The following CTNNA2 variants were observed in gnomAD, a reference collection of about 807,000 sequenced individuals.
The protein encoded by CTNNA2 is catenin alpha-2.
In CTNNA2, 42 loss-of-function variants were observed where a neutral mutation model predicts 101.0. The observed-to-expected ratio is 0.42, with a 90% CI of 0.32 to 0.54. CTNNA2 has a LOEUF of 0.54. CTNNA2 is among the 20% of genes least tolerant of loss of function. The probability of loss-of-function intolerance (pLI) is 0.14; values close to 1 mark genes in which losing one functional copy is unlikely to be tolerated. For synonymous variants in CTNNA2, 450 were observed against 456.4 expected, an observed-to-expected ratio of 0.99 and a Z score of 0.18; for missense variants, 871 against 1,223.1, an observed-to-expected ratio of 0.71 and a Z score of 4.29.
chr2:80,628,168 T>C (rs62152015), intron 18 of CTNNA2, among the ~76,000 whole-genome samples: 18,327 of 151,998 alleles, frequency 0.12, 2,037 homozygotes, highest in African/African-American at 0.3. Context: ...GGATCAATAT[T>C]GTGAAAATGG....
intron 1 of CTNNA2, among the ~76,000 whole-genome samples, chr2:79,534,543 C>T (rs78520964): frequency 0.16 from 24,927 of 151,244 alleles, 2,151 homozygotes; most frequent in Middle Eastern, 0.27. Context: ...TTTTTTTTCC[C>T]TGTAAGCCTC....
intron 7 of CTNNA2, among the ~76,000 whole-genome samples, chr2:79,933,905 C>A (rs1308422721): frequency 6.6e-6 from 1 of 152,082 alleles, no homozygotes; most frequent in East Asian, 1.9e-4. Flanking sequence ...GATCACATCT[C>A]CAGATAACAT....
chr2:79,455,549 G>A (rs776152279), intron 4 of CTNNA2, among the ~76,000 whole-genome samples: 8 of 152,052 alleles, frequency 5.3e-5, no homozygotes, highest in African/African-American at 1.9e-4. Flanking sequence ...TCCAGTTTGT[G>A]GGTACTCCAC....
intron 1 of CTNNA2, among the ~76,000 whole-genome samples, chr2:79,528,250 G>A (rs1573252336): frequency 6.6e-6 from 1 of 151,546 alleles, no homozygotes; most frequent in African/African-American, 2.4e-5. Flanking sequence ...GTCTCACTGT[G>A]TTGCCCAGGT....
rs1682228516 is a variant in CTNNA2, at chr2:79,664,090, C to T, written c.102+12432C>T. Among the ~76,000 whole-genome samples, 4 of 152,216 alleles carry T rather than the reference C, an allele frequency of 2.6e-5. 1 individual carries two copies. In the South Asian group the frequency reaches 8.3e-4, roughly 32 times the overall value. ...TATGAATGTTTTAATACTCAGCGAC[C>T]TCACTAAGCAATGAAATGTGTTTTT... On this transcript the variant is annotated intron_variant, in intron 2 of 18. Transcript: ENST00000402739.
intron 7 of CTNNA2, among the ~76,000 whole-genome samples, chr2:80,300,185 G>A (rs1388873211): frequency 1.3e-5 from 2 of 152,004 alleles, no homozygotes; most frequent in Admixed American, 1.3e-4. Context: ...GTCTGAATGG[G>A]TGTCATGTGC....
chr2:80,185,859 G>A (rs1031765637), intron 7 of CTNNA2, among the ~76,000 whole-genome samples: 13 of 152,190 alleles, frequency 8.5e-5, no homozygotes, highest in African/African-American at 2.9e-4. Flanking sequence ...TTATTAGATT[G>A]ACACATGGTT....
At chr2:80,311,644 G>C (rs993915007) in intron 7 of CTNNA2, among the ~76,000 whole-genome samples, 1 of 152,220 alleles carries the variant, frequency 6.6e-6, no homozygotes, top group African/African-American at 2.4e-5. Flanking sequence ...TCTGAAAATG[G>C]ATTAATCCAG....
rs145750433 is a variant in CTNNA2 at position 80,321,928 on chromosome 2, TTTTATTTA to T, written c.1057-71263_1057-71256del. The stretch of plus-strand genomic sequence containing the variant: ...ATAGCCCTTCTGAAGATTCTCTGTA[TTTTATTTA>T]TTTATTTATTTATTTATTTTAAAAA... On this transcript the variant is annotated intron_variant, in intron 7 of 18. Coordinates refer to ENST00000402739, the MANE Select transcript of CTNNA2 (RefSeq NM_001282597.3). Among the ~76,000 whole-genome samples the T allele has an allele frequency of 5.4e-3, 820 of 151,606 alleles. 8 individuals are homozygous for T. Among genetic ancestry groups the T allele is most frequent in the African/African-American group, 0.019 (789 of 41,404 alleles).
chr2:80,207,928 A>G (rs1481471379), intron 7 of CTNNA2, among the ~76,000 whole-genome samples: 1 of 152,192 alleles, frequency 6.6e-6, no homozygotes, highest in African/African-American at 2.4e-5. Flanking sequence ...CTGAGAGAAG[A>G]ACAAGAAGGG....
At chr2:79,750,470 T>G (rs189610232) in intron 3 of CTNNA2, among the ~76,000 whole-genome samples, 1 of 152,342 alleles carries the variant, frequency 6.6e-6, no homozygotes, top group African/African-American at 2.4e-5. Flanking sequence ...CTGCTTAGAT[T>G]ACTTATCAAT....
At chr2:80,035,166 T>A (rs937574795) in intron 7 of CTNNA2, among the ~76,000 whole-genome samples, 5 of 152,144 alleles carry the variant, frequency 3.3e-5, no homozygotes, top group African/African-American at 9.7e-5. Context: ...TCAGAAACAA[T>A]TCAACATAAA....
intron 7 of CTNNA2, among the ~76,000 whole-genome samples, chr2:79,982,023 G>A (rs1405671778): frequency 6.8e-6 from 1 of 147,294 alleles, no homozygotes; most frequent in Non-Finnish European, 1.5e-5. Flanking sequence ...CTTGGTTCAT[G>A]GTAGTGTTTT....
At chr2:79,866,898 G>A (rs138358409) in intron 4 of CTNNA2, among the ~76,000 whole-genome samples, 3 of 152,222 alleles carry the variant, frequency 2.0e-5, no homozygotes, top group East Asian at 1.9e-4. Context: ...TAATGAAGAC[G>A]TGAGGATTGG....
At chr2:79,803,054 T>C (rs924886923) in intron 3 of CTNNA2, among the ~76,000 whole-genome samples, 1 of 152,238 alleles carries the variant, frequency 6.6e-6, no homozygotes, top group Non-Finnish European at 1.5e-5. Context: ...TTGTGTTATA[T>C]TGGTATTTAT....
At chr2:79,668,668 TA>T (rs1013390929) in intron 2 of CTNNA2, among the ~76,000 whole-genome samples, 4 of 152,030 alleles carry the variant, frequency 2.6e-5, no homozygotes, top group Non-Finnish European at 4.4e-5. Context: ...CACTTTCTAG[TA>T]AAAAAAACTT....
At position 79,216,439 on chromosome 2, in the gene CTNNA2, G is replaced by A. The variant is rs151177022; in HGVS notation, c.-406+18363G>A. Among the ~76,000 whole-genome samples, 979 of 151,892 alleles carry A rather than the reference G, an allele frequency of 6.4e-3. 9 individuals are homozygous for A. The highest frequency in any genetic ancestry group is 0.022 in the African/African-American group (896 of 41,408). On this transcript the variant is annotated intron_variant, in intron 2 of 21. Transcript: ENST00000466387. ...GGTTGGGGTGCAGAGATAAGAGGTC[G>A]GAGCATGGAAATAAGGGATCAGGGC... is the stretch of plus-strand genomic sequence containing the variant.
chr2:80,532,778 A>G (rs546181705), intron 9 of CTNNA2, among the ~76,000 whole-genome samples: 8 of 152,126 alleles, frequency 5.3e-5, no homozygotes, highest in East Asian at 3.9e-4. Flanking sequence ...GGAACATCTT[A>G]ATTAGATTAA....
chr2:79,348,237 T>C (rs938814528), intron 3 of CTNNA2, among the ~76,000 whole-genome samples: 5 of 152,206 alleles, frequency 3.3e-5, no homozygotes, highest in Non-Finnish European at 7.3e-5. Flanking sequence ...ATCATATCAT[T>C]TATTATTCAT....
Sources: gnomAD v4.1 joint callset for allele counts (sites outside exome capture counted in the v4.1 genomes callset) on GRCh38, gnomAD v4.1.1 for gene constraint, MANE v1.5 for transcripts, NCBI Gene and HGNC (gene_info 2026-07-23, HGNC 2026-07-21) for gene names.